Variants in FHIT observed in about 807,000 individuals in gnomAD.
FHIT encodes fragile histidine triad diadenosine triphosphatase.
Under a neutral mutation model 17.9 loss-of-function variants are expected in FHIT, and 19 were observed. The ratio of observed to expected loss-of-function variants is 1.06; its 90% CI spans 0.74 to 1.56. The LOEUF is 1.56. Ranked by LOEUF, FHIT falls within the 40% of genes most tolerant of loss-of-function variation. The pLI is 0.00. For missense variants in FHIT, 248 were observed against 189.2 expected, an observed-to-expected ratio of 1.31 and a Z score of -1.82; for synonymous variants, 81 against 69.7, an observed-to-expected ratio of 1.16 and a Z score of -0.81.
At chr3:59,848,655 G>A (rs1701813575) in intron 8 of FHIT, among the ~76,000 whole-genome samples, 1 of 152,166 alleles carries the variant, frequency 6.6e-6, no homozygotes, top group Non-Finnish European at 1.5e-5. Flanking sequence ...GTAACGCAAT[G>A]GGAAGGTAAG....
At chr3:60,281,085 G>A (rs67994115) in intron 5 of FHIT, among the ~76,000 whole-genome samples, 37,026 of 80,134 alleles carry the variant, frequency 0.46, 5,252 homozygotes, top group East Asian at 0.77. Flanking sequence ...GAAATTAGAA[G>A]CACAATATCA....
chr3:60,410,070 A>C (rs180904875), intron 5 of FHIT, among the ~76,000 whole-genome samples: 1 of 152,224 alleles, frequency 6.6e-6, no homozygotes. Flanking sequence ...ATACAGGATA[A>C]TTCAGAATAC....
intron 3 of FHIT, among the ~76,000 whole-genome samples, chr3:60,967,712 G>A (rs1241739983): frequency 6.6e-6 from 1 of 152,122 alleles, no homozygotes. Flanking sequence ...TAGTTTCACT[G>A]TTTAATAATG....
chr3:60,878,255 C>T (rs1217053826), intron 3 of FHIT, among the ~76,000 whole-genome samples: 1 of 151,980 alleles, frequency 6.6e-6, no homozygotes, highest in Non-Finnish European at 1.5e-5. Flanking sequence ...TGAACCTGTA[C>T]CCCAGGACCC....
In FHIT at chr3:61,082,005, C is replaced by T. The variant is rs570549423; in HGVS notation, c.-163-39906G>A. On this transcript the variant is annotated intron_variant, in intron 2 of 9. Transcript: ENST00000492590. Reference sequence around the variant, plus strand: ...ACCCACCACTACCCTGAATCCCATACAATTGTCTCACCTGGGTAATTGTAA... The same window carrying T: ...ACCCACCACTACCCTGAATCCCATATAATTGTCTCACCTGGGTAATTGTAA... 7.2e-5 allele frequency among the ~76,000 whole-genome samples: 11 copies of T among 152,096 alleles called. No homozygotes were observed. In the South Asian group the frequency reaches 2.3e-3, roughly 32 times the overall value.
intron 5 of FHIT, among the ~76,000 whole-genome samples, chr3:60,136,167 G>C (rs533665600): frequency 3.3e-5 from 5 of 152,042 alleles, no homozygotes; most frequent in Non-Finnish European, 7.4e-5. Context: ...GACTCTTGCT[G>C]CTATCTGATT....
intron 4 of FHIT, among the ~76,000 whole-genome samples, chr3:60,818,839 GT>G (rs782470490): frequency 1.3e-5 from 2 of 152,000 alleles, no homozygotes; most frequent in Non-Finnish European, 2.9e-5. Flanking sequence ...AACACTGTGA[GT>G]TTTCTATTGG....
At chr3:61,021,837 G>C (rs923417252) in intron 3 of FHIT, among the ~76,000 whole-genome samples, 1 of 152,054 alleles carries the variant, frequency 6.6e-6, no homozygotes, top group Non-Finnish European at 1.5e-5. Flanking sequence ...CTGGGACACA[G>C]CTAAAGCAGT....
intron 3 of FHIT, among the ~76,000 whole-genome samples, chr3:60,912,933 T>C (rs1450541103): frequency 1.3e-5 from 2 of 152,242 alleles, no homozygotes; most frequent in South Asian, 2.1e-4. Context: ...TTTTTTCTTA[T>C]GTTAATCTGT....
intron 4 of FHIT, among the ~76,000 whole-genome samples, chr3:60,636,930 G>A (rs1342941929): frequency 2.6e-5 from 4 of 152,106 alleles, no homozygotes; most frequent in Non-Finnish European, 5.9e-5. Context: ...TTGCTTTGAT[G>A]GTGCCTTTCT....
intron 4 of FHIT, among the ~76,000 whole-genome samples, chr3:60,626,953 A>T (rs1378494713): frequency 1.3e-5 from 2 of 152,074 alleles, no homozygotes; most frequent in Non-Finnish European, 2.9e-5. Context: ...TGATATAATC[A>T]TGTTGCTTTT....
chr3:60,826,209 GGAAA>G (rs1480288226), intron 3 of FHIT, among the ~76,000 whole-genome samples: 3 of 141,926 alleles, frequency 2.1e-5, no homozygotes, highest in Admixed American at 1.4e-4. Context: ...AAGGAAGGAA[GGAAA>G]GAAGGAAGGA....
intron 5 of FHIT, among the ~76,000 whole-genome samples, chr3:60,263,849 T>C (rs906324032): frequency 4.6e-5 from 7 of 151,490 alleles, no homozygotes; most frequent in Admixed American, 4.6e-4. Flanking sequence ...AGTTCTTCAT[T>C]TGCAATCTAG....
chr3:61,113,727 T>C (rs2036224025), intron 2 of FHIT, among the ~76,000 whole-genome samples: 2 of 152,292 alleles, frequency 1.3e-5, no homozygotes, highest in South Asian at 2.1e-4. Context: ...TTTGCCCCCA[T>C]TGTAACCCCA....
At chr3:59,868,304 G>C (rs1702752071) in intron 8 of FHIT, among the ~76,000 whole-genome samples, 1 of 149,628 alleles carries the variant, frequency 6.7e-6, no homozygotes, top group Admixed American at 6.7e-5. Context: ...TCAGGACAAA[G>C]GAATAAGATT....
intron 2 of FHIT, 90 bp from the exon 3 acceptor site, chr3:61,042,189 C>T (rs148963774): frequency 1.3e-5 from 2 of 152,112 alleles, no homozygotes; most frequent in Non-Finnish European, 2.9e-5. Flanking sequence ...CAGACTCTTA[C>T]GTAAATGAAA....
intron 4 of FHIT, among the ~76,000 whole-genome samples, chr3:60,552,091 A>G (rs2036579544): frequency 6.6e-6 from 1 of 152,092 alleles, no homozygotes; most frequent in African/African-American, 2.4e-5. Context: ...CATACGATAT[A>G]TAGCCTTTTA....
intron 3 of FHIT, among the ~76,000 whole-genome samples, chr3:60,928,966 A>G (rs1442609806): frequency 3.3e-5 from 5 of 152,208 alleles, no homozygotes; most frequent in African/African-American, 4.8e-5. Flanking sequence ...GAAATCCTCA[A>G]TAAAATACTG....
chr3:60,377,189 G>T (rs978238778), intron 5 of FHIT, among the ~76,000 whole-genome samples: 1 of 149,270 alleles, frequency 6.7e-6, no homozygotes, highest in African/African-American at 2.5e-5. Context: ...ACATGCAACA[G>T]AGAAAGCCAT....
Sources: allele counts gnomAD v4.1 joint callset (sites outside exome capture counted in the v4.1 genomes callset), GRCh38; gene constraint gnomAD v4.1.1; transcripts MANE v1.5; gene names NCBI Gene and HGNC (gene_info 2026-07-23, HGNC 2026-07-21).